Variants in TENT4B observed in about 807,000 individuals in gnomAD.
TENT4B encodes PAP associated domain containing 5.
In TENT4B, 10 loss-of-function variants were observed where a neutral mutation model predicts 75.0. The ratio of observed to expected loss-of-function variants is 0.13; its 90% CI spans 0.08 to 0.23. The LOEUF (loss-of-function observed/expected upper bound fraction) is 0.23. Ranked by LOEUF, TENT4B falls within the 10% of genes least tolerant of loss-of-function variation. TENT4B has a pLI of 1.00. For missense variants in TENT4B, 579 were observed against 893.8 expected (o/e 0.65, Z 4.49); for synonymous variants, 350 against 357.7 (o/e 0.98, Z 0.24).
chr16:50,194,559 A>C (rs2030083906), intron 1 of TENT4B, among the ~76,000 whole-genome samples: 1 of 145,800 alleles, frequency 6.9e-6, no homozygotes, highest in Admixed American at 6.9e-5. Flanking sequence ...AGGTTCATTG[A>C]ATTTGCTTTG....
At chr16:50,191,112 C>T (rs2038629787) in intron 1 of TENT4B, among the ~76,000 whole-genome samples, 2 of 150,582 alleles carry the variant, frequency 1.3e-5, no homozygotes, top group African/African-American at 5.0e-5. Flanking sequence ...TCCATTTATC[C>T]ATCACTGGAC....
intron 5 of TENT4B, among the ~76,000 whole-genome samples, chr16:50,218,188 G>C (rs1282851644): frequency 6.6e-6 from 1 of 152,154 alleles, no homozygotes; most frequent in Admixed American, 6.5e-5. Context: ...GTCTGCTCTA[G>C]ATCCTTCCTT....
intron 1 of TENT4B, among the ~76,000 whole-genome samples, chr16:50,190,852 A>G (rs2038625833): frequency 2.6e-5 from 4 of 152,040 alleles, no homozygotes; most frequent in Admixed American, 2.6e-4. Flanking sequence ...TACATTAAAC[A>G]TGAACTCTCC....
chr16:50,176,468 A>G (rs1161606313), intron 1 of TENT4B, among the ~76,000 whole-genome samples: 1 of 140,512 alleles, frequency 7.1e-6, no homozygotes, highest in Non-Finnish European at 1.5e-5. Context: ...GTGTTGTTCC[A>G]GTGTCAACCA....
At chr16:50,215,172 GCTCT>G (rs2150738170) in intron 3 of TENT4B, among the ~76,000 whole-genome samples, 1 of 152,240 alleles carries the variant, frequency 6.6e-6, no homozygotes, top group South Asian at 2.1e-4. Context: ...GTGAATACTT[GCTCT>G]CTAAGAATTG....
intron 3 of TENT4B, among the ~76,000 whole-genome samples, chr16:50,214,588 G>A (rs1273736193): frequency 6.6e-6 from 1 of 152,142 alleles, no homozygotes; most frequent in Non-Finnish European, 1.5e-5. Context: ...CCCGGGAGGT[G>A]AAGGTTGCAG....
intron 2 of TENT4B, 114 bp downstream of exon 2, chr16:50,211,560 G>C: frequency 8.4e-7 from 1 of 1,193,944 alleles, no homozygotes; most frequent in African/African-American, 1.6e-5. Context: ...GCTCTGTAGA[G>C]TTGTGGTCTA....
intron 5 of TENT4B, among the ~76,000 whole-genome samples, chr16:50,221,529 C>T (rs896040995): frequency 6.6e-6 from 1 of 152,130 alleles, no homozygotes; most frequent in African/African-American, 2.4e-5. Flanking sequence ...AGTCAGCAGG[C>T]AGGACTCTTG....
intron 1 of TENT4B, among the ~76,000 whole-genome samples, chr16:50,167,295 T>A (rs947161775): frequency 2.0e-5 from 3 of 152,196 alleles, no homozygotes; most frequent in Non-Finnish European, 2.9e-5. Flanking sequence ...AAAGCCATCG[T>A]GGGCCTCTGG....
chr16:50,194,603 C>T (rs555195586), intron 1 of TENT4B, among the ~76,000 whole-genome samples: 27 of 151,748 alleles, frequency 1.8e-4, no homozygotes, highest in African/African-American at 4.6e-4. Context: ...CAGGCTGAAG[C>T]GCAGTGGTGC....
At chr16:50,225,397 A>G in intron 10 of TENT4B, 112 bp downstream of exon 10, 1 of 959,224 alleles carries the variant, frequency 1.0e-6, no homozygotes, top group Non-Finnish European at 1.5e-6. Flanking sequence ...TGTTACTGGG[A>G]TATTTTAATA....
chr16:50,186,299 T>C (rs1485360446), intron 1 of TENT4B, among the ~76,000 whole-genome samples: 2 of 152,106 alleles, frequency 1.3e-5, no homozygotes, highest in Non-Finnish European at 1.5e-5. Context: ...TCCTACATAT[T>C]TGTCGCTTTG....
chr16:50,180,230 A>G (rs772599667), intron 1 of TENT4B, among the ~76,000 whole-genome samples: 19 of 151,644 alleles, frequency 1.3e-4, no homozygotes, highest in Admixed American at 2.6e-4. Context: ...TAGCTTCCTG[A>G]GTAGCTGAGA....
chr16:50,217,723 TGTG>T (rs1359440550), intron 5 of TENT4B, 60 bp downstream of exon 5: 2 of 1,030,236 alleles, frequency 1.9e-6, no homozygotes, highest in East Asian at 2.8e-5. Context: ...AAGATTCTGT[TGTG>T]GTGGTGTTCT....
chr16:50,234,085 T>C lies in TENT4B; in HGVS notation c.*4757T>C. The C allele has an allele frequency of 1.0e-6, 1 of 985,372 alleles. No individual in the cohort carries two copies. Among genetic ancestry groups the C allele is most frequent in the Non-Finnish European group, 1.2e-6 (1 of 829,928 alleles). The allele number at this position is 985,372 out of a possible 1,614,324, so 61.0% of individuals were successfully genotyped here. A position where few individuals can be genotyped will look rare whatever the true frequency, so the allele number is the denominator to read the frequency against. ...CTCCTAAGGACAGTCTGGACGTATT[T>C]TGGGGGAATGTTATTTATCTTAAAG... is the stretch of plus-strand genomic sequence containing the variant. On this transcript the variant is annotated 3_prime_UTR_variant, in exon 12 of 12. Transcript: ENST00000561678.
In TENT4B at chr16:50,217,660, C is replaced by T; in HGVS notation, c.1035C>T (p.Thr345=). 2 of 1,510,208 alleles carry T rather than the reference C, an allele frequency of 1.3e-6. No individual in the cohort carries two copies. Among genetic ancestry groups the T allele is most frequent in the Admixed American group, 2.3e-5 (1 of 42,626 alleles). 93.6% of individuals were successfully genotyped at this position (1,510,208 alleles called of 1,614,324 possible). Reference sequence around the variant, plus strand: ...CAGCTGACCTCATCAAAGATTTTACCAAGGTCAGAGAATTTAGCGTTTATA... The same window carrying T: ...CAGCTGACCTCATCAAAGATTTTACTAAGGTCAGAGAATTTAGCGTTTATA... The part of the protein sequence containing the change: ...VRAADLIKDF[T]KKYPVLPYLV... Residue 345 remains threonine, a synonymous_variant, in exon 5 of 12, where the codon ACC becomes ACT. Coordinates refer to ENST00000561678, the MANE Select transcript of TENT4B (RefSeq NM_001365324.3).
chr16:50,233,545 G>T lies in TENT4B; in HGVS notation c.*4217G>T, dbSNP rs117909005. ...GATAATGAGCTAAATATATATAGAC[G>T]TTGAATGTTGACAAAATTATTAACC... On this transcript the variant is annotated 3_prime_UTR_variant, in exon 12 of 12. Coordinates refer to ENST00000561678, the MANE Select transcript of TENT4B (RefSeq NM_001365324.3). The T allele has an allele frequency of 9.8e-3, 9,630 of 984,714 alleles. 52 individuals carry two copies. The highest frequency in any genetic ancestry group is 0.011 in the Non-Finnish European group (9,050 of 829,580). The allele number at this position is 984,714 out of a possible 1,614,324, so 61.0% of individuals were successfully genotyped here. A position where few individuals can be genotyped will look rare whatever the true frequency, so the allele number is the denominator to read the frequency against.
chr16:50,215,112 G>A (rs1482246146), intron 3 of TENT4B, among the ~76,000 whole-genome samples: 7 of 152,154 alleles, frequency 4.6e-5, no homozygotes, highest in African/African-American at 4.8e-5. Context: ...CTCTTGTGAC[G>A]CACAGCCTTG....
intron 1 of TENT4B, among the ~76,000 whole-genome samples, chr16:50,158,347 A>G (rs916221963): frequency 2.0e-5 from 3 of 151,750 alleles, no homozygotes; most frequent in Non-Finnish European, 4.4e-5. Flanking sequence ...TTGGCTTCCC[A>G]AAGTGTCAGG....
Sources: gnomAD v4.1 joint callset for allele counts (sites outside exome capture counted in the v4.1 genomes callset) on GRCh38, gnomAD v4.1.1 for gene constraint, MANE v1.5 for transcripts, NCBI Gene and HGNC (gene_info 2026-07-23, HGNC 2026-07-21) for gene names.